Variants in FBXW11 observed in about 807,000 individuals in gnomAD.
The protein encoded by FBXW11 is F-box and WD repeat domain containing 11, also known as F-box/WD repeat-containing protein 11.
FBXW11 carries 19 observed loss-of-function variants against 77.6 expected under a neutral mutation model. The ratio of observed to expected loss-of-function variants is 0.24; its 90% CI spans 0.17 to 0.36. FBXW11 has a LOEUF of 0.36. FBXW11 is among the 10% of genes least tolerant of loss of function. FBXW11 has a pLI of 1.00. For synonymous variants in FBXW11, 235 were observed against 249.4 expected (o/e 0.94, Z 0.54); for missense variants, 334 against 704.2 (o/e 0.47, Z 5.95).
intron 1 of FBXW11, among the ~76,000 whole-genome samples, chr5:171,996,064 A>C (rs960870865): frequency 6.6e-6 from 1 of 152,220 alleles, no homozygotes; most frequent in Non-Finnish European, 1.5e-5. Flanking sequence ...CATTGTGCCA[A>C]TTAAGTAATA....
chr5:171,983,643 C>T (rs1765275322), intron 1 of FBXW11, among the ~76,000 whole-genome samples: 2 of 152,110 alleles, frequency 1.3e-5, no homozygotes, highest in South Asian at 2.1e-4. Flanking sequence ...AAACCCACTC[C>T]CACACATTTG....
intron 1 of FBXW11, among the ~76,000 whole-genome samples, chr5:171,967,182 T>C (rs1764235549): frequency 6.6e-6 from 1 of 152,228 alleles, no homozygotes; most frequent in Admixed American, 6.5e-5. Context: ...TAGTCAAGAC[T>C]TGAAACTCAT....
chr5:171,976,121 T>C (rs1444626140), intron 1 of FBXW11, among the ~76,000 whole-genome samples: 1 of 152,090 alleles, frequency 6.6e-6, no homozygotes, highest in Non-Finnish European at 1.5e-5. Flanking sequence ...CCATGACAAC[T>C]CCTTCAAAAT....
chr5:171,924,411 C>T (rs1470041597), intron 2 of FBXW11, among the ~76,000 whole-genome samples: 1 of 152,120 alleles, frequency 6.6e-6, no homozygotes, highest in Non-Finnish European at 1.5e-5. Flanking sequence ...CGCACCTCTC[C>T]CATTCTGTGA....
rs1271456566 is a variant in FBXW11 at position 172,006,635 on chromosome 5, C to G, written c.-133G>C. 1 of 1,296,908 alleles carries G rather than the reference C, an allele frequency of 7.7e-7. No individual in the cohort carries two copies. Among genetic ancestry groups the G allele is most frequent in the Non-Finnish European group, 9.8e-7 (1 of 1,022,154 alleles). 80.3% of individuals were successfully genotyped at this position (1,296,908 alleles called of 1,614,324 possible). On this transcript the variant is annotated 5_prime_UTR_variant, in exon 1 of 14. Coordinates refer to ENST00000517395, the MANE Select transcript of FBXW11 (RefSeq NM_001378974.1). ...CTAGCTGCCAGCCCGCCCGGGCCGC[C>G]GGCAGCTCCGCCCTCCCCCTCGGCG...
intron 3 of FBXW11, 38 bp from the exon 4 acceptor site, chr5:171,910,835 G>A: frequency 1.5e-6 from 2 of 1,355,112 alleles, no homozygotes; most frequent in East Asian, 2.4e-5. Flanking sequence ...AGTTTAACAA[G>A]GAAAGAAACC....
At chr5:171,917,065 C>T (rs1162605017) in intron 2 of FBXW11, among the ~76,000 whole-genome samples, 1 of 152,106 alleles carries the variant, frequency 6.6e-6, no homozygotes. Context: ...GGACTACGGG[C>T]ACACACCACC....
At chr5:171,967,869 TATATATATATA>T in intron 1 of FBXW11, among the ~76,000 whole-genome samples, 1 of 74,244 alleles carries the variant, frequency 1.3e-5, no homozygotes, top group South Asian at 4.2e-4. Context: ...TATATATATA[TATATATATATA>T]TATACACACA....
intron 2 of FBXW11, among the ~76,000 whole-genome samples, chr5:171,953,271 T>C (rs1033938904): frequency 1.3e-5 from 2 of 152,196 alleles, no homozygotes; most frequent in African/African-American, 2.4e-5. Flanking sequence ...ACTGGAATTA[T>C]AGGGGTAAGC....
chr5:171,877,658 C>T (rs892395918), intron 8 of FBXW11, among the ~76,000 whole-genome samples: 5 of 151,582 alleles, frequency 3.3e-5, no homozygotes, highest in East Asian at 3.9e-4. Context: ...GCAGGGGTGG[C>T]GATGCTTCCA....
chr5:171,864,537 C>G (rs971129126), intron 13 of FBXW11, among the ~76,000 whole-genome samples: 14 of 152,324 alleles, frequency 9.2e-5, no homozygotes, highest in African/African-American at 3.4e-4. Context: ...AGAGGCCAGT[C>G]TCACATCCTC....
Position 171,962,091 on chromosome 5 carries a change from CAGTACAG to C in FBXW11, c.46-4400_46-4394del, listed in dbSNP as rs373968172. ...GATTTCTTCATATTAGCTAAATTCA[CAGTACAG>C]ACGATTGTCCTTTTTTTTTAAGTGA... On this transcript the variant is annotated intron_variant, in intron 1 of 13. Transcript: ENST00000517395. Among the ~76,000 whole-genome samples the C allele has an allele frequency of 3.2e-3, 483 of 152,316 alleles. 1 individual carries two copies. Among genetic ancestry groups the C allele is most frequent in the African/African-American group, 0.011 (463 of 41,576 alleles).
At chr5:172,001,699 C>CAA (rs927264391) in intron 1 of FBXW11, among the ~76,000 whole-genome samples, 4 of 152,198 alleles carry the variant, frequency 2.6e-5, no homozygotes, top group African/African-American at 9.7e-5. Flanking sequence ...AAAAACCAGA[C>CAA]AGTCTCTGCT....
rs187360378 is a variant in FBXW11 at position 171,865,086 on chromosome 5, T to C, written c.*26-985A>G. Reference sequence around the variant, plus strand: ...GAATCTTAAGTCTTCTCAATGAATTTAAGATTCAATTTCATTTGCTACTGT... The same window carrying C: ...GAATCTTAAGTCTTCTCAATGAATTCAAGATTCAATTTCATTTGCTACTGT... On this transcript the variant is annotated intron_variant, in intron 13 of 13. Coordinates refer to ENST00000517395, the MANE Select transcript of FBXW11 (RefSeq NM_001378974.1). Among the ~76,000 whole-genome samples the C allele has an allele frequency of 1.0e-3, 157 of 152,254 alleles. 1 individual carries two copies. Among genetic ancestry groups the C allele is most frequent in the Admixed American group, 1.1e-3 (17 of 15,292 alleles).
At chr5:171,986,206 G>C (rs537348629) in intron 1 of FBXW11, among the ~76,000 whole-genome samples, 93 of 151,630 alleles carry the variant, frequency 6.1e-4, no homozygotes, top group Non-Finnish European at 7.4e-4. Context: ...CCAGGAGTTT[G>C]AGACCAGCCT....
At chr5:171,977,696 A>C (rs1000998963) in intron 1 of FBXW11, 1 of 429,722 alleles carries the variant, frequency 2.3e-6, no homozygotes, top group African/African-American at 2.1e-5. Context: ...AGCAGGTCAC[A>C]TCTTAAGTAG....
rs376744635 is a variant in FBXW11, at chr5:171,913,654, A to G, written c.210+689T>C. 1.2e-3 allele frequency among the ~76,000 whole-genome samples: 188 copies of G among 152,170 alleles called. 1 individual carries two copies. In the South Asian group the frequency reaches 0.038, roughly 31 times the overall value. ...AATCTATCTTTTCAGTTTCAAATCA[A>G]ATGAACCCAGAGAATTTATTTTTAC... On this transcript the variant is annotated intron_variant, in intron 3 of 13. Coordinates refer to ENST00000517395, the MANE Select transcript of FBXW11 (RefSeq NM_001378974.1).
intron 6 of FBXW11, among the ~76,000 whole-genome samples, chr5:171,895,576 T>C (rs1038891001): frequency 9.9e-5 from 15 of 152,178 alleles, no homozygotes; most frequent in African/African-American, 3.4e-4. Context: ...AGAAGGTAGA[T>C]TACTTGAAGG....
chr5:172,006,054 C>G (rs1264208891), intron 1 of FBXW11, among the ~76,000 whole-genome samples: 2 of 152,214 alleles, frequency 1.3e-5, no homozygotes, highest in African/African-American at 4.8e-5. Context: ...CACCATCTCA[C>G]TCGGCCTGAG....
Sources: allele counts gnomAD v4.1 joint callset (sites outside exome capture counted in the v4.1 genomes callset), GRCh38; gene constraint gnomAD v4.1.1; transcripts MANE v1.5; gene names NCBI Gene and HGNC (gene_info 2026-07-23, HGNC 2026-07-21).